The following TMEM52B variants were observed in gnomAD, a reference collection of about 807,000 sequenced individuals.
TMEM52B encodes the protein transmembrane protein 52B.
TMEM52B carries 11 observed loss-of-function variants against 16.1 expected under a neutral mutation model. The ratio of observed to expected loss-of-function variants is 0.68; its 90% CI spans 0.43 to 1.13. TMEM52B has a LOEUF of 1.13. Among genes scored for constraint, TMEM52B ranks in the 50% most tolerant of loss-of-function variants. TMEM52B has a pLI of 0.00. For missense variants in TMEM52B, 243 were observed against 230.4 expected (o/e 1.05, Z -0.35); for synonymous variants, 101 against 93.8 (o/e 1.08, Z -0.45).
Position 10,179,406 on chromosome 12 carries a change from A to G in TMEM52B, c.-169A>G. ...AAAAGCCATAGAAAATAACAGCCAG[A>G]GCGAGTAGGAGGAGACAGAGAGAAC... On this transcript the variant is annotated 5_prime_UTR_variant, in exon 1 of 5. Coordinates refer to ENST00000543484, the MANE Select transcript of TMEM52B (RefSeq NM_001384896.1). 1.5e-6 allele frequency: 1 copy of G among 676,576 alleles called. No individual in the cohort carries two copies. The highest frequency in any genetic ancestry group is 2.6e-6 in the Non-Finnish European group (1 of 382,914). The allele number at this position is 676,576 out of a possible 1,614,324, so 41.9% of individuals were successfully genotyped here. A position where few individuals can be genotyped will look rare whatever the true frequency, so the allele number is the denominator to read the frequency against.
At chr12:10,188,597 T>C (rs1159506441) in intron 4 of TMEM52B, among the ~76,000 whole-genome samples, 1 of 151,412 alleles carries the variant, frequency 6.6e-6, no homozygotes, top group East Asian at 1.9e-4. Flanking sequence ...CTGGGCATGG[T>C]GGCTCATGCT....
upstream of TMEM52B, among the ~76,000 whole-genome samples, chr12:10,178,647 G>C (rs1430849966): frequency 6.6e-6 from 1 of 151,452 alleles, no homozygotes; most frequent in Non-Finnish European, 1.5e-5. Flanking sequence ...TAACCAAAGA[G>C]AGAGAGAGAG....
intron 2 of TMEM52B, among the ~76,000 whole-genome samples, chr12:10,184,395 A>G (rs140276712): frequency 1.5e-3 from 228 of 152,312 alleles, no homozygotes; most frequent in African/African-American, 5.0e-3. Flanking sequence ...GGTCAGAAGC[A>G]CAGGCAAAAC....
chr12:10,176,428 C>G (rs139928129), upstream of TMEM52B, among the ~76,000 whole-genome samples: 1,412 of 152,180 alleles, frequency 9.3e-3, 19 homozygotes, highest in African/African-American at 0.032. Flanking sequence ...ATGGCAATTA[C>G]GTGTTAGAAA....
At chr12:10,189,201 TAAAAA>T in intron 4 of TMEM52B, among the ~76,000 whole-genome samples, 1 of 97,230 alleles carries the variant, frequency 1.0e-5, no homozygotes. Flanking sequence ...AGACACTGTC[TAAAAA>T]AAAAAAAAAA....
At position 10,189,016 on chromosome 12, in the gene TMEM52B, C is replaced by CAAAAAAAAAA. The variant is rs869240234; in HGVS notation, c.308-854_308-845dup. ...TGGGCGACAGAGCGAGACTCCGTCT[C>CAAAAAAAAAA]AAAAAAAAAAAAAAAAAAAAAAAAA... is the stretch of plus-strand genomic sequence containing the variant. On this transcript the variant is annotated intron_variant, in intron 4 of 4. Transcript: ENST00000543484. Among the ~76,000 whole-genome samples the CAAAAAAAAAA allele has an allele frequency of 1.4e-4, 8 of 56,498 alleles. 1 individual carries two copies. The highest frequency in any genetic ancestry group is 3.2e-4 in the African/African-American group (4 of 12,344). The allele number at this position is 56,498 out of a possible 152,430, so 37.1% of individuals were successfully genotyped here. A position where few individuals can be genotyped will look rare whatever the true frequency, so the allele number is the denominator to read the frequency against.
intron 1 of TMEM52B, among the ~76,000 whole-genome samples, chr12:10,171,517 A>G (rs1011416279): frequency 7.9e-5 from 12 of 152,350 alleles, no homozygotes; most frequent in African/African-American, 2.9e-4. Context: ...AGGTTTTTGT[A>G]GTGCCTGAAG....
chr12:10,178,287 C>A (rs1948783244), upstream of TMEM52B, among the ~76,000 whole-genome samples: 1 of 151,744 alleles, frequency 6.6e-6, no homozygotes, highest in Admixed American at 6.6e-5. Flanking sequence ...GAGGCCGAGT[C>A]GGGCGGATCA....
At chr12:10,185,461 A>G (rs1948869022) in intron 3 of TMEM52B, 93 bp downstream of exon 3, 1 of 930,290 alleles carries the variant, frequency 1.1e-6, no homozygotes, top group Non-Finnish European at 1.8e-6. Flanking sequence ...CTCATGGAGT[A>G]AGATTTCATT....
Position 10,186,404 on chromosome 12 carries a change from C to T in TMEM52B, c.138-16C>T. Reference sequence around the variant, plus strand: ...CCAGATCCCAGAGCTCCCACTCGCCCCGTGGGCTTTTGCAGGTTGCTAGTG... The same window carrying T: ...CCAGATCCCAGAGCTCCCACTCGCCTCGTGGGCTTTTGCAGGTTGCTAGTG... On this transcript the variant is annotated splice_polypyrimidine_tract_variant and intron_variant, in intron 3 of 4. Transcript: ENST00000543484. The T allele has an allele frequency of 6.3e-7, 1 of 1,592,772 alleles. No homozygotes were observed. The highest frequency in any genetic ancestry group is 8.6e-7 in the Non-Finnish European group (1 of 1,165,382).
In TMEM52B at chr12:10,185,326, A is replaced by C. The variant is rs751148460; in HGVS notation, c.99-4A>C. 1.2e-6 allele frequency: 2 copies of C among 1,600,796 alleles called. No individual in the cohort carries two copies. The highest frequency in any genetic ancestry group is 2.2e-5 in the South Asian group (2 of 90,814). ...ATGTAGAAAACTTTATTCTTTCTTT[A>C]TAGTTGCCTGACCACAGACTGGGTA... On this transcript the variant is annotated splice_polypyrimidine_tract_variant and splice_region_variant and intron_variant, in intron 2 of 4. Coordinates refer to ENST00000543484, the MANE Select transcript of TMEM52B (RefSeq NM_001384896.1).
At position 10,189,954 on chromosome 12, in the gene TMEM52B, C is replaced by T; in HGVS notation, c.366C>T (p.His122=). ...GGATCCTGGCTGTGGCTCACTCCCA[C>T]AGCTCCCTGGGCCAGCTGCCCTCCT... ...ARRILAVAHS[H]SSLGQLPSSL... The change falls in exon 5 of 5, where the codon CAC becomes CAT. Residue 122 remains histidine, a synonymous_variant. Transcript: ENST00000543484. The T allele has an allele frequency of 3.7e-6, 6 of 1,614,208 alleles. No individual in the cohort carries two copies. Among genetic ancestry groups the T allele is most frequent in the Non-Finnish European group, 5.1e-6 (6 of 1,180,044 alleles).
chr12:10,181,058 C>T (rs575550604), intron 1 of TMEM52B, among the ~76,000 whole-genome samples: 18 of 152,168 alleles, frequency 1.2e-4, no homozygotes, highest in Admixed American at 2.0e-4. Context: ...CCACCCACCT[C>T]GGCCTCCCAA....
chr12:10,181,013 G>A (rs976996163), intron 1 of TMEM52B, among the ~76,000 whole-genome samples: 4 of 152,040 alleles, frequency 2.6e-5, no homozygotes, highest in African/African-American at 9.7e-5. Context: ...CACCATGTTG[G>A]TCAGGCTGAT....
chr12:10,182,734 T>C, intron 2 of TMEM52B, 141 bp downstream of exon 2: 1 of 928,776 alleles, frequency 1.1e-6, no homozygotes, highest in South Asian at 2.1e-5. Flanking sequence ...AGATGACTTA[T>C]CACAAAATAA....
chr12:10,181,224 C>T (rs1948818866), intron 1 of TMEM52B, among the ~76,000 whole-genome samples: 1 of 152,106 alleles, frequency 6.6e-6, no homozygotes. Flanking sequence ...ATAGCAATGT[C>T]AAGGAATTGT....
At chr12:10,182,155 G>A in intron 1 of TMEM52B, 1 of 984,216 alleles carries the variant, frequency 1.0e-6, no homozygotes, top group Non-Finnish European at 1.2e-6. Context: ...TATAGTCATT[G>A]TCACACTAAC....
upstream of TMEM52B, among the ~76,000 whole-genome samples, chr12:10,176,032 C>T (rs941283276): frequency 5.3e-5 from 8 of 152,196 alleles, no homozygotes; most frequent in African/African-American, 1.9e-4. Context: ...CCTTAACTAC[C>T]TGGACATAAG....
chr12:10,173,547 AGG>A (rs5796382), intron 1 of TMEM52B, among the ~76,000 whole-genome samples: 2 of 149,338 alleles, frequency 1.3e-5, no homozygotes, highest in Admixed American at 6.7e-5. Context: ...TGGGAAGCTG[AGG>A]GGGGGGGTGG....
Sources: gnomAD v4.1 joint callset for allele counts (sites outside exome capture counted in the v4.1 genomes callset) on GRCh38, gnomAD v4.1.1 for gene constraint, MANE v1.5 for transcripts, NCBI Gene and HGNC (gene_info 2026-07-23, HGNC 2026-07-21) for gene names.